The following EDRF1 variants were observed in gnomAD, a reference collection of about 807,000 sequenced individuals.
EDRF1 encodes erythroid differentiation regulatory factor 1.
A neutral mutation model predicts 148.7 loss-of-function variants in EDRF1; 69 were observed. That is an observed-to-expected ratio of 0.46 (90% confidence interval 0.38 to 0.57). The LOEUF is 0.57. Ranked by LOEUF, EDRF1 falls within the 20% of genes least tolerant of loss-of-function variation. EDRF1 has a pLI of 0.00. For synonymous variants in EDRF1, 515 were observed against 532.8 expected (o/e 0.97, Z 0.46); for missense variants, 1,118 against 1,478.7 (o/e 0.76, Z 4.00).
rs1239345383 is a variant in EDRF1, at chr10:125,725,993, G to A, written c.792+155G>A. On this transcript the variant is annotated intron_variant, in intron 6 of 24. Transcript: ENST00000356792. ...AGACTTCTGTCAATTTATGGAATTG[G>A]AGAAATACTTTTTAGTTTTTCGCAA... 8 of 870,672 alleles carry A rather than the reference G, an allele frequency of 9.2e-6. No individual in the cohort carries two copies. In the East Asian group the frequency reaches 1.9e-4, roughly 20 times the overall value. 53.9% of individuals were successfully genotyped at this position (870,672 alleles called of 1,614,324 possible).
chr10:125,761,989 T>G (rs1310190615), intron 24 of EDRF1, among the ~76,000 whole-genome samples: 1 of 152,228 alleles, frequency 6.6e-6, no homozygotes, highest in Non-Finnish European at 1.5e-5. Flanking sequence ...AGGCCCAGAT[T>G]ACAGATAGGG....
intron 19 of EDRF1, among the ~76,000 whole-genome samples, 178 bp downstream of exon 19, chr10:125,746,108 TTGAAGA>T (rs1348415433): frequency 6.6e-6 from 1 of 152,198 alleles, no homozygotes; most frequent in African/African-American, 2.4e-5. Context: ...GAATTGAGTA[TTGAAGA>T]TGACATGTGG....
chr10:125,734,251 A>G (rs1848623580), intron 12 of EDRF1, 68 bp downstream of exon 12: 1 of 1,192,350 alleles, frequency 8.4e-7, no homozygotes, highest in Non-Finnish European at 1.3e-6. Context: ...TTACCTAGAC[A>G]GTAAAGCCTC....
chr10:125,735,857 G>A lies in EDRF1; in HGVS notation c.1711G>A (p.Gly571Arg), dbSNP rs1848702769. Residue 571 changes from glycine to arginine, a missense_variant, in exon 13 of 25, where the codon GGA becomes AGA. This residue lies in a region of EDRF1 where 954 missense variants were observed against 1,241.4 expected (regional missense o/e 0.77). Transcript: ENST00000356792. Reference sequence around the variant, plus strand: ...AGCAGTAGCTATAATCAAGTCTGTTGGAGAACTATCAGTACCAGAAAAATA... The same window carrying A: ...AGCAGTAGCTATAATCAAGTCTGTTAGAGAACTATCAGTACCAGAAAAATA... Reference protein sequence around the residue: ...SKAVAIIKSVGELSVPEKYKS... With the variant: ...SKAVAIIKSVRELSVPEKYKS... 1.2e-6 allele frequency: 2 copies of A among 1,612,724 alleles called. No homozygotes were observed. The highest frequency in any genetic ancestry group is 1.7e-6 in the Non-Finnish European group (2 of 1,179,082).
At chr10:125,747,114 A>C (rs1259273044) in intron 19 of EDRF1, 1 of 168,062 alleles carries the variant, frequency 6.0e-6, no homozygotes, top group African/African-American at 2.4e-5. Flanking sequence ...TATAATGGCC[A>C]TGTATTTGAG....
intron 1 of EDRF1, 91 bp from the exon 2 acceptor site, chr10:125,721,113 T>G: frequency 8.0e-7 from 1 of 1,248,984 alleles, no homozygotes; most frequent in Non-Finnish European, 1.2e-6. Context: ...TTGTGAAGCC[T>G]GGTGTGACAG....
chr10:125,744,198 T>C (rs540307705), intron 18 of EDRF1, among the ~76,000 whole-genome samples: 1 of 150,532 alleles, frequency 6.6e-6, no homozygotes, highest in South Asian at 2.1e-4. Flanking sequence ...TGTGGGCCTT[T>C]GGTTTTGGTT....
In EDRF1 at chr10:125,745,893, G is replaced by C. The variant is rs376996357; in HGVS notation, c.2777G>C (p.Arg926Pro). ...TGTGGTGCAGGGGATGAACTGAAACGTGAATTTTCACCAGAAGAAGGCTTG... is the reference window on the plus strand; with the variant it reads ...TGTGGTGCAGGGGATGAACTGAAACCTGAATTTTCACCAGAAGAAGGCTTG... ...AHCGAGDELKREFSPEEGLYY... is the reference protein window; with the variant it reads ...AHCGAGDELKPEFSPEEGLYY... The change falls in exon 19 of 25, where the codon CGT (arginine) becomes CCT (proline). Residue 926 changes from arginine (R) to proline (P), a missense_variant. Physicochemically the swap from Arg to Pro is moderately radical, Grantham distance 103. Transcript: ENST00000356792. 47 of 1,614,110 alleles carry C rather than the reference G, an allele frequency of 2.9e-5. No individual in the cohort carries two copies. The highest frequency in any genetic ancestry group is 3.8e-5 in the Non-Finnish European group (45 of 1,180,046).
chr10:125,721,331 A>G lies in EDRF1; in HGVS notation c.236A>G (p.Asn79Ser). Residue 79 changes from asparagine (N) to serine (S), a missense_variant, in exon 2 of 25, where the codon AAC (asparagine) becomes AGC (serine). Asn to Ser is a conservative substitution (Grantham distance 46). This residue lies in a region of EDRF1 where 99 missense variants were observed against 186.9 expected (regional missense o/e 0.53). Transcript: ENST00000356792. ...ACAGACTTGAAACTCCCACCTGCCA[A>G]CTGGTTACGAGAGAGTGCCAAACTA... ...EKTDLKLPPA[N>S]WLRESAKLGP... 6.2e-7 allele frequency: 1 copy of G among 1,614,222 alleles called. No individual in the cohort carries two copies. The highest frequency in any genetic ancestry group is 1.3e-5 in the African/African-American group (1 of 75,050).
intron 17 of EDRF1, among the ~76,000 whole-genome samples, chr10:125,741,996 G>C (rs542605873): frequency 1.3e-5 from 2 of 152,290 alleles, no homozygotes; most frequent in South Asian, 4.1e-4. Context: ...ACCCAGCCTT[G>C]TGTCAGCTTT....
intron 18 of EDRF1, 21 bp downstream of exon 18, chr10:125,743,297 C>G: frequency 6.3e-7 from 1 of 1,585,378 alleles, no homozygotes. Flanking sequence ...CTTTAGATTC[C>G]TCTCTATTGC....
intron 6 of EDRF1, among the ~76,000 whole-genome samples, chr10:125,726,786 G>A (rs1848273717): frequency 6.6e-6 from 1 of 152,332 alleles, no homozygotes; most frequent in African/African-American, 2.4e-5. Flanking sequence ...TAATTAATAT[G>A]CAAGTCACAT....
chr10:125,763,185 C>T lies in EDRF1; in HGVS notation c.3546-116C>T. 2 of 1,026,056 alleles carry T rather than the reference C, an allele frequency of 1.9e-6. No homozygotes were observed. The highest frequency in any genetic ancestry group is 2.6e-5 in the South Asian group (2 of 77,486). 63.6% of individuals were successfully genotyped at this position (1,026,056 alleles called of 1,614,324 possible). A position where few individuals can be genotyped will look rare whatever the true frequency, so the allele number is the denominator to read the frequency against. The stretch of plus-strand genomic sequence containing the variant: ...GTCTGAACCCGGCAGGAGAGGAATG[C>T]CTGCTGCTCTGTGAAGAGTGACTGT... On this transcript the variant is annotated intron_variant, in intron 24 of 24. Coordinates refer to ENST00000356792, the MANE Select transcript of EDRF1 (RefSeq NM_001202438.2). The surrounding 1 kb of genome is among the most constrained non-coding windows in gnomAD (Gnocchi z 4.3).
At chr10:125,758,707 G>A (rs1398692027) in intron 24 of EDRF1, among the ~76,000 whole-genome samples, 1 of 152,156 alleles carries the variant, frequency 6.6e-6, no homozygotes, top group Non-Finnish European at 1.5e-5. Flanking sequence ...GCACCTTAGA[G>A]AGGGTCTGTC....
chr10:125,719,728 G>T lies in EDRF1; in HGVS notation c.-80G>T. The T allele has an allele frequency of 8.9e-7, 1 of 1,123,128 alleles. No homozygotes were observed. Among genetic ancestry groups the T allele is most frequent in the Non-Finnish European group, 1.3e-6 (1 of 787,304 alleles). The allele number at this position is 1,123,128 out of a possible 1,614,324, so 69.6% of individuals were successfully genotyped here. Reference sequence around the variant, plus strand: ...AAGTGCGGTCCGCGGAGCGTCTCTGGCGCTTACCCTGCTTTGGGCCTGCGT... The same window carrying T: ...AAGTGCGGTCCGCGGAGCGTCTCTGTCGCTTACCCTGCTTTGGGCCTGCGT... On this transcript the variant is annotated 5_prime_UTR_variant, in exon 1 of 25. Transcript: ENST00000356792.
chr10:125,759,820 C>T (rs1192773381), intron 24 of EDRF1, among the ~76,000 whole-genome samples: 1 of 152,110 alleles, frequency 6.6e-6, no homozygotes, highest in Admixed American at 6.5e-5. Flanking sequence ...ACGCCATTCT[C>T]CTGCCTCAGC....
chr10:125,745,952 T>C (rs1849333065), intron 19 of EDRF1, 22 bp downstream of exon 19: 1 of 1,609,248 alleles, frequency 6.2e-7, no homozygotes, highest in African/African-American at 1.3e-5. Context: ...GCGTACATGT[T>C]GGGCCTCACC....
chr10:125,724,917 GT>G (rs1193461168), intron 4 of EDRF1, among the ~76,000 whole-genome samples: 1 of 152,174 alleles, frequency 6.6e-6, no homozygotes, highest in African/African-American at 2.4e-5. Context: ...AAAGACCACC[GT>G]TTAGTTCATC....
intron 24 of EDRF1, among the ~76,000 whole-genome samples, chr10:125,756,382 G>T (rs1849897775): frequency 6.6e-6 from 1 of 152,214 alleles, no homozygotes; most frequent in African/African-American, 2.4e-5. Flanking sequence ...CATGTTCCAT[G>T]TGTACTTGAA....
Sources: allele counts gnomAD v4.1 joint callset (sites outside exome capture counted in the v4.1 genomes callset), GRCh38; gene constraint gnomAD v4.1.1; regional missense constraint gnomAD v4.1.1; non-coding constraint Gnocchi (gnomAD v3.1); transcripts MANE v1.5; gene names NCBI Gene and HGNC (gene_info 2026-07-23, HGNC 2026-07-21).